ITGA11: variants seen among roughly 807,000 people sequenced by gnomAD.
ITGA11 encodes integrin alpha-11.
ITGA11 carries 97 observed loss-of-function variants against 141.9 expected under a neutral mutation model. The observed-to-expected ratio is 0.68, with a 90% CI of 0.58 to 0.81. The LOEUF (loss-of-function observed/expected upper bound fraction) is 0.81. ITGA11 is among the 30% of genes least tolerant of loss of function. ITGA11 has a pLI of 0.00. For missense variants in ITGA11, 1,387 were observed against 1,559.2 expected (o/e 0.89, Z 1.86); for synonymous variants, 658 against 624.6 (o/e 1.05, Z -0.80).
intron 5 of ITGA11, among the ~76,000 whole-genome samples, chr15:68,361,035 C>A (rs566930340): frequency 6.6e-6 from 1 of 152,092 alleles, no homozygotes; most frequent in Non-Finnish European, 1.5e-5. Context: ...GCAGTAATTC[C>A]CCAGGTTTTC....
At chr15:68,313,749 C>T (rs1485690408) in intron 23 of ITGA11, 30 bp downstream of exon 23, 2 of 1,587,192 alleles carry the variant, frequency 1.3e-6, no homozygotes, top group South Asian at 1.1e-5. Flanking sequence ...CATGCCTTCC[C>T]TCTCCTGGGG....
chr15:68,317,390 C>T (rs1893622444), intron 20 of ITGA11, 27 bp from the exon 21 acceptor site: 1 of 1,522,986 alleles, frequency 6.6e-7, no homozygotes, highest in Non-Finnish European at 9.1e-7. Context: ...GACATCATGG[C>T]AGCAGTTAGG....
intron 20 of ITGA11, 111 bp from the exon 21 acceptor site, chr15:68,317,474 CCT>C (rs1417767385): frequency 3.4e-5 from 26 of 767,360 alleles, no homozygotes; most frequent in Non-Finnish European, 5.4e-5. Context: ...CGCCTCAGCC[CCT>C]GATACCCATA....
intron 1 of ITGA11, among the ~76,000 whole-genome samples, chr15:68,417,157 A>G (rs528696005): frequency 5.9e-5 from 9 of 152,158 alleles, no homozygotes; most frequent in African/African-American, 2.2e-4. Flanking sequence ...GAGCCCCACA[A>G]TCAATTTCCT....
At chr15:68,398,839 T>TC in intron 2 of ITGA11, among the ~76,000 whole-genome samples, 1 of 148,948 alleles carries the variant, frequency 6.7e-6, no homozygotes, top group Non-Finnish European at 1.5e-5. Context: ...ATAAATATTT[T>TC]ATATTTTATT....
intron 22 of ITGA11, among the ~76,000 whole-genome samples, chr15:68,315,185 C>T (rs1480827771): frequency 6.6e-6 from 1 of 152,146 alleles, no homozygotes; most frequent in Non-Finnish European, 1.5e-5. Context: ...GAGTAGTGTT[C>T]AGCTTCCAGC....
intron 2 of ITGA11, among the ~76,000 whole-genome samples, chr15:68,399,953 A>G (rs1896426221): frequency 6.6e-6 from 1 of 152,176 alleles, no homozygotes; most frequent in Non-Finnish European, 1.5e-5. Context: ...AATCTAAAAT[A>G]AAAGTTGAAA....
At chr15:68,339,460 G>A (rs781492822) in intron 11 of ITGA11, 40 bp downstream of exon 11, 2 of 1,583,444 alleles carry the variant, frequency 1.3e-6, no homozygotes, top group Non-Finnish European at 8.6e-7. Flanking sequence ...TGCCCTCCCG[G>A]CCCACGACCC....
chr15:68,382,832 C>A (rs1312992506), intron 2 of ITGA11, among the ~76,000 whole-genome samples: 6 of 152,182 alleles, frequency 3.9e-5, no homozygotes, highest in Admixed American at 3.9e-4. Flanking sequence ...AGAGGGAAAG[C>A]AGGAATTCAA....
chr15:68,353,547 A>T (rs561662635), intron 7 of ITGA11, among the ~76,000 whole-genome samples: 13 of 152,240 alleles, frequency 8.5e-5, no homozygotes, highest in Admixed American at 5.2e-4. Context: ...TGTCAGGATC[A>T]TATTTCCATA....
intron 7 of ITGA11, among the ~76,000 whole-genome samples, chr15:68,353,914 C>G (rs912854277): frequency 1.3e-5 from 2 of 152,116 alleles, no homozygotes; most frequent in Admixed American, 6.5e-5. Flanking sequence ...CTCACCCCCA[C>G]CCACACTGGA....
Position 68,325,252 on chromosome 15 carries a change from G to A in ITGA11, c.2212-11C>T. 6.3e-7 allele frequency: 1 copy of A among 1,581,668 alleles called. No individual in the cohort carries two copies. Among genetic ancestry groups the A allele is most frequent in the Non-Finnish European group, 8.7e-7 (1 of 1,150,484 alleles). On this transcript the variant is annotated splice_polypyrimidine_tract_variant and intron_variant, in intron 17 of 29. Transcript: ENST00000315757. This position sits in a 1 kb window ranked among gnomAD's most constrained non-coding sequence, Gnocchi z 5.5. Reference sequence around the variant, plus strand: ...GTAGTCAGCAGTGTCCTGGGGGGTGGAGATGAGGGCAGCGGTGAGGGAGGA... The same window carrying A: ...GTAGTCAGCAGTGTCCTGGGGGGTGAAGATGAGGGCAGCGGTGAGGGAGGA...
intron 3 of ITGA11, among the ~76,000 whole-genome samples, chr15:68,367,026 A>G (rs1267123812): frequency 6.6e-6 from 1 of 152,204 alleles, no homozygotes; most frequent in Non-Finnish European, 1.5e-5. Context: ...ACTGTGGGGC[A>G]AAACTGACAG....
Position 68,296,660 on chromosome 15 carries a change from G to T in ITGA11, c.*6399C>A, listed in dbSNP as rs988802247. On this transcript the variant is annotated 3_prime_UTR_variant, in exon 30 of 30. Transcript: ENST00000315757. Reference sequence around the variant, plus strand: ...GTTAGAAGTTCCTTAGAAGTTTGAGGACATTTTCTCTGTCATGTAATAGTT... The same window carrying T: ...GTTAGAAGTTCCTTAGAAGTTTGAGTACATTTTCTCTGTCATGTAATAGTT... 1 of 151,950 alleles carries T rather than the reference G, an allele frequency of 6.6e-6. No homozygotes were observed. The highest frequency in any genetic ancestry group is 1.9e-4 in the East Asian group (1 of 5,190). The allele number at this position is 151,950 out of a possible 1,614,324, so 9.4% of individuals were successfully genotyped here. A position where few individuals can be genotyped will look rare whatever the true frequency, so the allele number is the denominator to read the frequency against.
chr15:68,396,043 G>A (rs969100974), intron 2 of ITGA11, among the ~76,000 whole-genome samples: 5 of 151,904 alleles, frequency 3.3e-5, no homozygotes, highest in Non-Finnish European at 1.5e-5. Flanking sequence ...CATTTTATGA[G>A]CTCTGAATAA....
chr15:68,396,997 T>TAAATA lies in ITGA11; in HGVS notation c.164+5920_164+5921insTATTT, dbSNP rs1289777775. 1.3e-3 allele frequency among the ~76,000 whole-genome samples: 21 copies of TAAATA among 16,798 alleles called. 3 individuals carry two copies. The highest frequency in any genetic ancestry group is 0.091 in the East Asian group (2 of 22). 11.0% of individuals were successfully genotyped at this position (16,798 alleles called of 152,430 possible). ...ATATTATATATTATTTATTATATAATATATAATATATATTACTTATTATAT... is the reference window on the plus strand; with the variant it reads ...ATATTATATATTATTTATTATATAATAAATAATATAATATATATTACTTATTATAT... On this transcript the variant is annotated intron_variant, in intron 2 of 29. Coordinates refer to ENST00000315757, the MANE Select transcript of ITGA11 (RefSeq NM_001004439.2).
At chr15:68,337,601 T>C (rs1252302703) in intron 11 of ITGA11, among the ~76,000 whole-genome samples, 1 of 152,106 alleles carries the variant, frequency 6.6e-6, no homozygotes, top group Non-Finnish European at 1.5e-5. Context: ...CAGCTGGGCC[T>C]CATGAGTGTC....
chr15:68,370,964 G>A (rs1251801006), intron 2 of ITGA11, among the ~76,000 whole-genome samples: 1 of 152,228 alleles, frequency 6.6e-6, no homozygotes, highest in East Asian at 1.9e-4. Context: ...GGAAAGCCAG[G>A]TCTGAAGTGG....
intron 22 of ITGA11, among the ~76,000 whole-genome samples, chr15:68,315,445 G>A (rs1257223378): frequency 6.6e-6 from 1 of 152,220 alleles, no homozygotes; most frequent in Non-Finnish European, 1.5e-5. Flanking sequence ...GAAGAGTGGT[G>A]GCAACACAGG....
Sources: gnomAD v4.1 joint callset for allele counts (sites outside exome capture counted in the v4.1 genomes callset) on GRCh38, gnomAD v4.1.1 for gene constraint, Gnocchi (gnomAD v3.1) non-coding constraint, MANE v1.5 for transcripts, NCBI Gene and HGNC (gene_info 2026-07-23, HGNC 2026-07-21) for gene names.